Variants in RAB3C observed in about 807,000 individuals in gnomAD.
The protein encoded by RAB3C is ras-related protein Rab-3C.
A neutral mutation model predicts 26.4 loss-of-function variants in RAB3C; 17 were observed. That is an observed-to-expected ratio of 0.64 (90% CI 0.44 to 0.97). The LOEUF is 0.97. Among genes scored for constraint, RAB3C ranks in the 50% least tolerant of loss-of-function variants. The probability of loss-of-function intolerance (pLI) is 0.00; values close to 1 mark genes in which losing one functional copy is unlikely to be tolerated. For synonymous variants in RAB3C, 91 were observed against 95.9 expected, an observed-to-expected ratio of 0.95 and a Z score of 0.30; for missense variants, 242 against 281.9, an observed-to-expected ratio of 0.86 and a Z score of 1.01.
At chr5:58,672,697 T>A (rs1383375868) in intron 2 of RAB3C, among the ~76,000 whole-genome samples, 2 of 152,214 alleles carry the variant, frequency 1.3e-5, no homozygotes, top group African/African-American at 4.8e-5. Context: ...GTGATATACA[T>A]AAGCCTTATG....
rs1357433331 is a variant in RAB3C at position 58,851,449 on chromosome 5, A to G, written c.*98A>G. The G allele has an allele frequency of 2.1e-6, 2 of 966,568 alleles. No homozygotes were observed. Among genetic ancestry groups the G allele is most frequent in the Non-Finnish European group, 1.5e-6 (1 of 668,190 alleles). The allele number at this position is 966,568 out of a possible 1,614,324, so 59.9% of individuals were successfully genotyped here. ...CCTTCATTTATACTGCCTAACAATT[A>G]TTTGAAGGAATAAATTGATGTCAAT... On this transcript the variant is annotated 3_prime_UTR_variant, in exon 5 of 5. Coordinates refer to ENST00000282878, the MANE Select transcript of RAB3C (RefSeq NM_138453.4).
chr5:58,818,697 A>G (rs1170087335), intron 3 of RAB3C, among the ~76,000 whole-genome samples: 1 of 152,204 alleles, frequency 6.6e-6, no homozygotes, highest in Non-Finnish European at 1.5e-5. Context: ...ATTCAGAAAT[A>G]AATCATCTTT....
At chr5:58,607,792 A>C (rs1479457975) in intron 1 of RAB3C, among the ~76,000 whole-genome samples, 3 of 152,194 alleles carry the variant, frequency 2.0e-5, no homozygotes, top group Non-Finnish European at 4.4e-5. Flanking sequence ...TTCATCCCAG[A>C]ATCTCATATC....
At chr5:58,826,679 C>T (rs563595586) in intron 4 of RAB3C, among the ~76,000 whole-genome samples, 6 of 152,286 alleles carry the variant, frequency 3.9e-5, no homozygotes, top group African/African-American at 1.4e-4. Flanking sequence ...GAGATTCACT[C>T]TGTTTTCTGT....
At chr5:58,660,128 A>G (rs1356684580) in intron 2 of RAB3C, among the ~76,000 whole-genome samples, 1 of 150,644 alleles carries the variant, frequency 6.6e-6, no homozygotes, top group Non-Finnish European at 1.5e-5. Flanking sequence ...TAATACAGCA[A>G]TTACCTTGGG....
At chr5:58,771,558 A>G (rs1742031175) in intron 3 of RAB3C, among the ~76,000 whole-genome samples, 1 of 152,128 alleles carries the variant, frequency 6.6e-6, no homozygotes, top group African/African-American at 2.4e-5. Context: ...CAAGAGAAGC[A>G]ATTAGACATT....
chr5:58,654,662 A>G (rs1021371323), intron 2 of RAB3C, among the ~76,000 whole-genome samples: 1 of 137,194 alleles, frequency 7.3e-6, no homozygotes, highest in Non-Finnish European at 1.5e-5. Flanking sequence ...GTCCTTTCAT[A>G]TCATGCTCTC....
intron 3 of RAB3C, among the ~76,000 whole-genome samples, chr5:58,816,269 C>G (rs1399765753): frequency 6.6e-6 from 1 of 152,150 alleles, no homozygotes; most frequent in Non-Finnish European, 1.5e-5. Context: ...AAAGGCAAGA[C>G]AGCCAATAAA....
chr5:58,653,499 A>G (rs907675161), intron 2 of RAB3C, among the ~76,000 whole-genome samples: 2 of 152,194 alleles, frequency 1.3e-5, no homozygotes, highest in Non-Finnish European at 1.5e-5. Flanking sequence ...ACATGCACAC[A>G]TATGTTTATT....
chr5:58,716,736 C>T (rs1183968573), intron 2 of RAB3C, among the ~76,000 whole-genome samples: 2 of 151,188 alleles, frequency 1.3e-5, no homozygotes, highest in African/African-American at 4.9e-5. Flanking sequence ...GCCCAGTCAC[C>T]TGTACCCATC....
chr5:58,713,976 G>A (rs1053033240), intron 2 of RAB3C, among the ~76,000 whole-genome samples: 1 of 152,140 alleles, frequency 6.6e-6, no homozygotes, highest in African/African-American at 2.4e-5. Flanking sequence ...AAATTGGGAA[G>A]CACAGTTATT....
chr5:58,813,780 T>TATTATTTAACTCTGGACTTGAA (rs1224079829), intron 3 of RAB3C, among the ~76,000 whole-genome samples: 1 of 70,122 alleles, frequency 1.4e-5, no homozygotes, highest in African/African-American at 9.6e-5. Flanking sequence ...ATTCAGTGAA[T>TATTATTTAACTCTGGACTTGAA]GCACACATAC....
At chr5:58,720,708 C>A (rs1190572343) in intron 2 of RAB3C, among the ~76,000 whole-genome samples, 2 of 151,842 alleles carry the variant, frequency 1.3e-5, no homozygotes, top group Admixed American at 6.6e-5. Context: ...GATTTGGTTT[C>A]TCCACCTATA....
chr5:58,839,342 G>GT (rs769148061), intron 4 of RAB3C, among the ~76,000 whole-genome samples: 10,298 of 95,516 alleles, frequency 0.11, 1,090 homozygotes, highest in African/African-American at 0.29. Context: ...GTAATGATAA[G>GT]TTTTTATTTT....
intron 2 of RAB3C, among the ~76,000 whole-genome samples, chr5:58,719,343 T>C (rs1740692747): frequency 6.6e-6 from 1 of 152,042 alleles, no homozygotes; most frequent in African/African-American, 2.4e-5. Flanking sequence ...TAGTGGATTT[T>C]AGCATAACAT....
At chr5:58,597,829 A>G (rs1182522229) in intron 1 of RAB3C, among the ~76,000 whole-genome samples, 1 of 72,488 alleles carries the variant, frequency 1.4e-5, no homozygotes, top group Non-Finnish European at 2.3e-5. Flanking sequence ...ATACGATAAC[A>G]TGTAATACAT....
chr5:58,697,309 C>A (rs1049298788), intron 2 of RAB3C, among the ~76,000 whole-genome samples: 6 of 152,112 alleles, frequency 3.9e-5, no homozygotes, highest in African/African-American at 1.4e-4. Context: ...GATTTCCAGT[C>A]TTTTACAATT....
rs540415462 is a variant in RAB3C, at chr5:58,615,237, T to C, written c.25-2406T>C. 3.9e-5 allele frequency among the ~76,000 whole-genome samples: 6 copies of C among 152,292 alleles called. No homozygotes were observed. In the East Asian group the frequency reaches 9.6e-4, roughly 24 times the overall value. On this transcript the variant is annotated intron_variant, in intron 1 of 4. Transcript: ENST00000282878. ...GAATGCCACCGTAGGGTTATGGGGC[T>C]GTAACAGATAGTAAGCTATCAGGCC...
chr5:58,599,847 A>T (rs771964098), intron 1 of RAB3C, among the ~76,000 whole-genome samples: 2 of 151,952 alleles, frequency 1.3e-5, no homozygotes, highest in Non-Finnish European at 2.9e-5. Context: ...AAAGCTCTTT[A>T]GTTTAATTAG....
Sources: allele counts gnomAD v4.1 joint callset (sites outside exome capture counted in the v4.1 genomes callset), GRCh38; gene constraint gnomAD v4.1.1; transcripts MANE v1.5; gene names NCBI Gene and HGNC (gene_info 2026-07-23, HGNC 2026-07-21).